Variants in ATP8B4 observed in about 807,000 individuals in gnomAD.
The protein encoded by ATP8B4 is probable phospholipid-transporting ATPase IM.
ATP8B4 carries 133 observed loss-of-function variants against 145.6 expected under a neutral mutation model. The observed-to-expected ratio is 0.91, with a 90% CI of 0.79 to 1.05. The LOEUF is 1.05. Ranked by LOEUF, ATP8B4 falls within the 50% of genes least tolerant of loss-of-function variation. ATP8B4 has a pLI of 0.00. For missense variants in ATP8B4, 1,458 were observed against 1,425.2 expected (o/e 1.02, Z -0.37); for synonymous variants, 507 against 492.9 (o/e 1.03, Z -0.38).
intron 1 of ATP8B4, among the ~76,000 whole-genome samples, chr15:50,150,551 T>G (rs558181478): frequency 4.6e-4 from 70 of 152,348 alleles, no homozygotes; most frequent in African/African-American, 1.7e-3. Flanking sequence ...GAATGATTGG[T>G]GACTACGAGT....
At chr15:50,024,219 G>A (rs1485032989) in intron 6 of ATP8B4, among the ~76,000 whole-genome samples, 2 of 152,174 alleles carry the variant, frequency 1.3e-5, no homozygotes, top group Non-Finnish European at 2.9e-5. Context: ...TGGACAGACG[G>A]AGAGAGTAAA....
chr15:49,882,320 A>G lies in ATP8B4; in HGVS notation c.2698-2861T>C, dbSNP rs1032305018. 2.0e-5 allele frequency among the ~76,000 whole-genome samples: 3 copies of G among 152,288 alleles called. No individual in the cohort carries two copies. In the East Asian group the frequency reaches 5.8e-4, roughly 29 times the overall value. ...AACTCCTATCTACCCTCAAGAGTCC[A>G]CCAAAACTGCAGCTAAGCCTCTTTA... is the stretch of plus-strand genomic sequence containing the variant. On this transcript the variant is annotated intron_variant, in intron 23 of 27. Transcript: ENST00000284509.
chr15:50,171,782 C>A (rs955043379), intron 1 of ATP8B4, among the ~76,000 whole-genome samples: 1 of 151,890 alleles, frequency 6.6e-6, no homozygotes, highest in Admixed American at 6.5e-5. Flanking sequence ...AAATCTGGTT[C>A]TTTGAAAAGA....
chr15:50,036,907 C>A (rs1001781014), intron 6 of ATP8B4, among the ~76,000 whole-genome samples: 1 of 152,192 alleles, frequency 6.6e-6, no homozygotes, highest in Admixed American at 6.5e-5. Context: ...CTTTTCAATA[C>A]ATCATGCCAT....
chr15:50,114,414 G>A (rs1272884693), intron 1 of ATP8B4: 2 of 152,068 alleles, frequency 1.3e-5, no homozygotes, highest in African/African-American at 4.8e-5. Context: ...AGGCAACATT[G>A]GAAGTACTTA....
intron 2 of ATP8B4, among the ~76,000 whole-genome samples, chr15:50,102,615 A>G (rs1467444286): frequency 6.6e-6 from 1 of 152,138 alleles, no homozygotes; most frequent in Non-Finnish European, 1.5e-5. Context: ...AGTTGCCAAC[A>G]ACAAAAAAGT....
intron 20 of ATP8B4, among the ~76,000 whole-genome samples, chr15:49,912,263 T>G (rs2039305872): frequency 6.6e-6 from 1 of 151,708 alleles, no homozygotes; most frequent in Non-Finnish European, 1.5e-5. Context: ...ATGAACAAAG[T>G]TAATAAACTT....
At position 49,916,930 on chromosome 15, in the gene ATP8B4, C is replaced by CT; in HGVS notation, c.2141+3dup. The CT allele has an allele frequency of 6.2e-7, 1 of 1,612,168 alleles. No individual in the cohort carries two copies. The highest frequency in any genetic ancestry group is 8.5e-7 in the Non-Finnish European group (1 of 1,178,698). On this transcript the variant is annotated splice_donor_region_variant and intron_variant, in intron 20 of 27. Coordinates refer to ENST00000284509, the MANE Select transcript of ATP8B4 (RefSeq NM_024837.4). Reference sequence around the variant, plus strand: ...CATCCTTTCCTCCTTCCTTCAACACCTACCTGAGTTCTTCTCTCACTTCCA... The same window carrying CT: ...CATCCTTTCCTCCTTCCTTCAACACCTTACCTGAGTTCTTCTCTCACTTCCA...
Position 50,013,293 on chromosome 15 carries a change from A to G in ATP8B4, c.363-2376T>C, listed in dbSNP as rs79094844. On this transcript the variant is annotated intron_variant, in intron 6 of 27. Coordinates refer to ENST00000284509, the MANE Select transcript of ATP8B4 (RefSeq NM_024837.4). ...GTTCTCAGGGTTCATGTTTAAAGCA[A>G]TCTTGCACCATAGCTCTTCTAGGGG... 7.2e-4 allele frequency among the ~76,000 whole-genome samples: 110 copies of G among 152,228 alleles called. 1 individual carries two copies. In the East Asian group the frequency reaches 0.02, roughly 27 times the overall value.
chr15:50,125,166 A>G (rs548622061), intron 1 of ATP8B4, among the ~76,000 whole-genome samples: 1 of 152,304 alleles, frequency 6.6e-6, no homozygotes, highest in African/African-American at 2.4e-5. Flanking sequence ...AAGGAGTAGT[A>G]GAACAATGAA....
At chr15:49,874,598 T>C (rs1173580372) in intron 25 of ATP8B4, among the ~76,000 whole-genome samples, 2 of 152,326 alleles carry the variant, frequency 1.3e-5, no homozygotes, top group Middle Eastern at 3.4e-3. Context: ...GAGGGGCTAA[T>C]GGTTACTTTG....
intron 14 of ATP8B4, among the ~76,000 whole-genome samples, chr15:49,948,503 T>C (rs912988697): frequency 6.6e-6 from 1 of 152,218 alleles, no homozygotes; most frequent in South Asian, 2.1e-4. Context: ...AGGCAACTTA[T>C]GGAATAGGAG....
intron 6 of ATP8B4, among the ~76,000 whole-genome samples, chr15:50,013,690 G>A (rs891936821): frequency 2.6e-5 from 4 of 151,904 alleles, no homozygotes; most frequent in Non-Finnish European, 4.4e-5. Flanking sequence ...TAAAACATAC[G>A]GAGTTTAACT....
chr15:49,919,121 A>G (rs918872247), intron 18 of ATP8B4, among the ~76,000 whole-genome samples, 171 bp from the exon 19 acceptor site: 1 of 152,158 alleles, frequency 6.6e-6, no homozygotes, highest in Admixed American at 6.5e-5. Context: ...ATTGGGAAGG[A>G]CTCCAGAAGG....
At chr15:49,934,319 T>C in intron 14 of ATP8B4, 137 bp from the exon 15 acceptor site, 1 of 951,978 alleles carries the variant, frequency 1.1e-6, no homozygotes, top group Non-Finnish European at 1.5e-6. Context: ...AAATGGCTGT[T>C]TCATCATTAC....
At chr15:49,984,288 T>C (rs929290923) in intron 10 of ATP8B4, among the ~76,000 whole-genome samples, 2 of 152,190 alleles carry the variant, frequency 1.3e-5, no homozygotes, top group African/African-American at 4.8e-5. Context: ...TAAAACTATA[T>C]GAAATAGTCA....
At chr15:50,043,963 A>T in intron 5 of ATP8B4, among the ~76,000 whole-genome samples, 1 of 151,342 alleles carries the variant, frequency 6.6e-6, no homozygotes. Flanking sequence ...CCGTTTCAAA[A>T]AAAAAAAAAA....
At chr15:49,990,723 T>C (rs17411897) in intron 9 of ATP8B4, among the ~76,000 whole-genome samples, 4,163 of 152,312 alleles carry the variant, frequency 0.027, 96 homozygotes, top group Non-Finnish European at 0.038. Flanking sequence ...CAATAGTCTA[T>C]GATTTTCCAG....
upstream of ATP8B4, among the ~76,000 whole-genome samples, chr15:50,121,899 T>C: frequency 6.6e-6 from 1 of 152,136 alleles, no homozygotes; most frequent in East Asian, 1.9e-4. Context: ...GTGATCATAT[T>C]AAAGGAATTT....
Sources: gnomAD v4.1 joint callset for allele counts (sites outside exome capture counted in the v4.1 genomes callset) on GRCh38, gnomAD v4.1.1 for gene constraint, MANE v1.5 for transcripts, NCBI Gene and HGNC (gene_info 2026-07-23, HGNC 2026-07-21) for gene names.